The following CPNE7 variants were observed in gnomAD, a reference collection of about 807,000 sequenced individuals.
CPNE7 encodes copine 7, also known as copine-7.
In CPNE7, 78 loss-of-function variants were observed where a neutral mutation model predicts 66.5. The observed-to-expected ratio is 1.17, with a 90% CI of 0.98 to 1.42. The LOEUF (loss-of-function observed/expected upper bound fraction) is 1.42. CPNE7 is among the 40% of genes most tolerant of loss of function. The probability of loss-of-function intolerance (pLI) is 0.00; values close to 1 mark genes in which losing one functional copy is unlikely to be tolerated. For synonymous variants in CPNE7, 468 were observed against 336.7 expected (o/e 1.39, Z -4.27); for missense variants, 1,012 against 776.6 (o/e 1.30, Z -3.60).
At chr16:89,590,651 G>C (rs1216144155) in intron 11 of CPNE7, among the ~76,000 whole-genome samples, 1 of 150,506 alleles carries the variant, frequency 6.6e-6, no homozygotes, top group Non-Finnish European at 1.5e-5. Flanking sequence ...CTCCCTCTCT[G>C]TTTCATGACT....
At chr16:89,594,442 C>A (rs74037234) in intron 13 of CPNE7, among the ~76,000 whole-genome samples, 5,062 of 152,046 alleles carry the variant, frequency 0.033, 302 homozygotes, top group African/African-American at 0.12. Flanking sequence ...GGCCCCTGTT[C>A]GTTTCCAGGA....
chr16:89,579,696 CTCACATGGAACATCCCATCACCCA>C (rs1374018427), intron 2 of CPNE7, among the ~76,000 whole-genome samples: 2 of 142,240 alleles, frequency 1.4e-5, no homozygotes, highest in Non-Finnish European at 3.0e-5. Flanking sequence ...CCGTCATCTG[CTCACATGGAACATCCCATCACCCA>C]TCACACGGAA....
Position 89,585,484 on chromosome 16 carries a change from C to T in CPNE7, c.612C>T (p.Asn204=), listed in dbSNP as rs1318440984. 6.2e-7 allele frequency: 1 copy of T among 1,611,798 alleles called. No homozygotes were observed. The highest frequency in any genetic ancestry group is 8.5e-7 in the Non-Finnish European group (1 of 1,179,352). ...CACAGGTGGTGAAGAACAACCTGAACCCGGTGTGGGAGGCCTTCAAAGTCT... is the reference window on the plus strand; with the variant it reads ...CACAGGTGGTGAAGAACAACCTGAATCCGGTGTGGGAGGCCTTCAAAGTCT... ...YRTEVVKNNL[N]PVWEAFKVSL... The change falls in exon 6 of 15, where the codon AAC becomes AAT. Residue 204 remains asparagine, a synonymous_variant. Coordinates refer to ENST00000319518, the MANE Select transcript of CPNE7 (RefSeq NM_153636.3).
At chr16:89,588,912 A>C (rs938028751) in intron 10 of CPNE7, 104 bp downstream of exon 10, 2 of 1,453,232 alleles carry the variant, frequency 1.4e-6, no homozygotes, top group African/African-American at 2.8e-5. Context: ...GTCAGCTATG[A>C]CAGGTGCACC....
rs1039474598 is a variant in CPNE7 at position 89,587,103 on chromosome 16, G to A, written c.927+1G>A. ...GGGCGGCTGCCAGATCCACTTCACC[G>A]TGAGTCCATGGCCCCGCCCCATGCC... On this transcript the variant is annotated splice_donor_variant, in intron 9 of 14. Transcript: ENST00000319518. LOFTEE classifies it high-confidence loss of function. 3.2e-5 allele frequency: 49 copies of A among 1,553,330 alleles called. No homozygotes were observed. Among genetic ancestry groups the A allele is most frequent in the Non-Finnish European group, 3.8e-5 (44 of 1,150,292 alleles).
At chr16:89,595,939 G>A (rs547569244) in intron 14 of CPNE7, 7 of 529,620 alleles carry the variant, frequency 1.3e-5, no homozygotes, top group Middle Eastern at 2.8e-4. Context: ...GGTTCTACCC[G>A]CCGAGACACA....
Position 89,596,278 on chromosome 16 carries a change from G to C in CPNE7, c.1540-206G>C, listed in dbSNP as rs539611202. 3.3e-5 allele frequency among the ~76,000 whole-genome samples: 5 copies of C among 152,346 alleles called. No individual in the cohort carries two copies. The South Asian group carries it at 1.0e-3, about 32-fold the overall frequency. ...CCGTGTCAGCACTTTTCATCTCCGTGCTTGGGGGGCTGGAAAGACCCACGT... is the reference window on the plus strand; with the variant it reads ...CCGTGTCAGCACTTTTCATCTCCGTCCTTGGGGGGCTGGAAAGACCCACGT... On this transcript the variant is annotated intron_variant, in intron 14 of 14. Coordinates refer to ENST00000319518, the MANE Select transcript of CPNE7 (RefSeq NM_153636.3).
chr16:89,581,353 C>T (rs2058956810), intron 2 of CPNE7, among the ~76,000 whole-genome samples: 1 of 152,004 alleles, frequency 6.6e-6, no homozygotes, highest in Non-Finnish European at 1.5e-5. Flanking sequence ...AACATCCCGT[C>T]ACCCATCACA....
intron 2 of CPNE7, among the ~76,000 whole-genome samples, chr16:89,578,256 G>A (rs1049632737): frequency 7.9e-5 from 12 of 151,584 alleles, no homozygotes; most frequent in African/African-American, 2.9e-4. Context: ...GTAGAGACGG[G>A]GTTTCACCAT....
At chr16:89,585,582 G>T (rs2059021973) in intron 6 of CPNE7, 29 bp downstream of exon 6, 2 of 1,592,760 alleles carry the variant, frequency 1.3e-6, no homozygotes, top group South Asian at 1.1e-5. Context: ...CAAGGGGGCA[G>T]TGAGGGGGTG....
At chr16:89,586,322 G>A (rs979856198) in intron 7 of CPNE7, among the ~76,000 whole-genome samples, 4 of 152,056 alleles carry the variant, frequency 2.6e-5, no homozygotes, top group African/African-American at 4.8e-5. Context: ...AGGGGTGGTG[G>A]GAGGTGGGGC....
rs761355324 is a variant in CPNE7, at chr16:89,591,063, G to A, written c.1168+5G>A. ...CTGAGGACGATGAGTGTGAAGGTAG[G>A]AGCTCGAGGCAGGCCTGGGGAGGGG... On this transcript the variant is annotated splice_donor_5th_base_variant and intron_variant, in intron 12 of 14. Transcript: ENST00000319518. The A allele has an allele frequency of 2.9e-5, 47 of 1,613,584 alleles. 1 individual carries two copies. The South Asian group carries it at 4.9e-4, about 17-fold the overall frequency.
At chr16:89,586,920 G>T (rs2059050744) in intron 8 of CPNE7, 123 bp from the exon 9 acceptor site, 4 of 1,101,818 alleles carry the variant, frequency 3.6e-6, no homozygotes, top group Non-Finnish European at 5.4e-6. Flanking sequence ...GAGGATGGGG[G>T]AGAGGAGAGG....
At position 89,587,069 on chromosome 16, in the gene CPNE7, C is replaced by G. The variant is rs774707141; in HGVS notation, c.894C>G (p.Asp298Glu). Residue 298 changes from aspartate (D) to glutamate (E), a missense_variant, in exon 9 of 15, where the codon GAC (aspartate) becomes GAG (glutamate). Physicochemically the swap from Asp to Glu is conservative, Grantham distance 45. Coordinates refer to ENST00000319518, the MANE Select transcript of CPNE7 (RefSeq NM_153636.3). Reference protein sequence around the residue: ...LKFHRVYSFLDYIMGGCQIHF... With the variant: ...LKFHRVYSFLEYIMGGCQIHF... ...TCCACAGGGTGTACTCCTTCCTGGA[C>G]TATATCATGGGCGGCTGCCAGATCC... 3 of 1,579,408 alleles carry G rather than the reference C, an allele frequency of 1.9e-6. No homozygotes were observed. The highest frequency in any genetic ancestry group is 1.7e-6 in the Non-Finnish European group (2 of 1,162,642).
chr16:89,593,982 C>T (rs2059213907), intron 13 of CPNE7: 1 of 152,216 alleles, frequency 6.6e-6, no homozygotes, highest in African/African-American at 2.4e-5. Flanking sequence ...CACCTGATCA[C>T]ACCTAACCAC....
intron 10 of CPNE7, among the ~76,000 whole-genome samples, chr16:89,589,361 G>A (rs1382654222): frequency 2.0e-5 from 3 of 152,198 alleles, no homozygotes. Flanking sequence ...CTCTGCACAT[G>A]GTCCTGGGGG....
At chr16:89,586,491 C>T (rs961490387) in intron 7 of CPNE7, among the ~76,000 whole-genome samples, 179 bp from the exon 8 acceptor site, 1 of 151,838 alleles carries the variant, frequency 6.6e-6, no homozygotes, top group African/African-American at 2.4e-5. Flanking sequence ...AACTCCCATC[C>T]CTCTTCATTC....
chr16:89,585,925 C>A (rs1383505416), intron 7 of CPNE7, 140 bp downstream of exon 7: 1 of 278,508 alleles, frequency 3.6e-6, no homozygotes, highest in Non-Finnish European at 6.3e-6. Flanking sequence ...GGGGTAGGGG[C>A]CTCCGTGGAG....
chr16:89,588,202 ACCC>A (rs2059111897), intron 9 of CPNE7, among the ~76,000 whole-genome samples: 11 of 13,754 alleles, frequency 8.0e-4, no homozygotes, highest in Admixed American at 2.6e-3. Flanking sequence ...CCCCCGTGTC[ACCC>A]GCGTGTCACC....
Sources: allele counts gnomAD v4.1 joint callset (sites outside exome capture counted in the v4.1 genomes callset), GRCh38; gene constraint gnomAD v4.1.1; transcripts MANE v1.5; gene names NCBI Gene and HGNC (gene_info 2026-07-23, HGNC 2026-07-21).